Variants in PLIN5 observed in about 807,000 individuals in gnomAD.
PLIN5 encodes perilipin 5.
PLIN5 carries 34 observed loss-of-function variants against 32.8 expected under a neutral mutation model. The observed-to-expected ratio is 1.04, with a 90% CI of 0.79 to 1.38. The LOEUF (loss-of-function observed/expected upper bound fraction) is 1.38. Ranked by LOEUF, PLIN5 falls within the 40% of genes most tolerant of loss-of-function variation. The pLI is 0.00. For synonymous variants in PLIN5, 309 were observed against 292.9 expected (o/e 1.05, Z -0.56); for missense variants, 712 against 660.5 (o/e 1.08, Z -0.85).
rs753237147 is a variant in PLIN5, at chr19:4,529,150, C to T, written c.443G>A (p.Ser148Asn). ...RWSVELKRSV[S>N]HAVDVVLEKS... ...TTCCAGTACAACATCCACAGCATGG[C>T]TCACGGAGCGCTTCAGCTCCACGCT... The change falls in exon 5 of 8, where the codon AGC (serine) becomes AAC (asparagine). Residue 148 changes from serine (S) to asparagine (N), a missense_variant. Coordinates refer to ENST00000381848, the MANE Select transcript of PLIN5 (RefSeq NM_001013706.3). The T allele has an allele frequency of 6.8e-6, 11 of 1,613,420 alleles. No homozygotes were observed. The highest frequency in any genetic ancestry group is 1.1e-5 in the South Asian group (1 of 91,078).
At chr19:4,530,359 T>G (rs1341121922) in intron 3 of PLIN5, among the ~76,000 whole-genome samples, 1 of 152,116 alleles carries the variant, frequency 6.6e-6, no homozygotes, top group African/African-American at 2.4e-5. Flanking sequence ...AGAAGCTGGC[T>G]GAGAGGGAGG....
In PLIN5 at chr19:4,531,790, C is replaced by T; in HGVS notation, c.93G>A (p.Leu31=). ...NVVQRVVALP[L]VRATCTAVCD... ...AGACCGCGGTGCACGTGGCCCTGAC[C>T]AGGGGCAGAGCCACCACACGCTGCA... Residue 31 remains leucine, a synonymous_variant, in exon 3 of 8, where the codon CTG becomes CTA. Transcript: ENST00000381848. The T allele has an allele frequency of 6.3e-7, 1 of 1,581,614 alleles. No homozygotes were observed. The highest frequency in any genetic ancestry group is 8.6e-7 in the Non-Finnish European group (1 of 1,164,562).
intron 1 of PLIN5, among the ~76,000 whole-genome samples, chr19:4,534,795 G>A (rs1976927090): frequency 6.6e-6 from 1 of 152,174 alleles, no homozygotes; most frequent in South Asian, 2.1e-4. Context: ...CACCCTAGAC[G>A]GCTGGAGGTG....
In PLIN5 at chr19:4,523,583, G is replaced by A. The variant is rs376263782; in HGVS notation, c.1337C>T (p.Pro446Leu). The change falls in exon 8 of 8, where the codon CCC (proline) becomes CTC (leucine). Residue 446 changes from proline (P) to leucine (L), a missense_variant. Pro to Leu is a moderately conservative substitution (Grantham distance 98, BLOSUM62 -3). Transcript: ENST00000381848. The surrounding 1 kb of genome is among the most constrained non-coding windows in gnomAD (Gnocchi z 5.0). ...CTTGACCGGGCAGCTGGGGGTCTCG[G>A]GTTCCTGCTCGCAGATGTCCCCGGC... ...GVAGDICEQEPETPSCPVKHT... is the reference protein window; with the variant it reads ...GVAGDICEQELETPSCPVKHT... 2 of 1,603,046 alleles carry A rather than the reference G, an allele frequency of 1.2e-6. No individual in the cohort carries two copies. Among genetic ancestry groups the A allele is most frequent in the Non-Finnish European group, 1.7e-6 (2 of 1,174,796 alleles).
chr19:4,526,384 ATTAAG>A (rs1237107525), intron 5 of PLIN5, among the ~76,000 whole-genome samples: 2 of 151,866 alleles, frequency 1.3e-5, no homozygotes, highest in African/African-American at 4.8e-5. Flanking sequence ...ACCACACCCG[ATTAAG>A]TTTTGTATTT....
At chr19:4,533,619 G>A (rs1976912987) in intron 2 of PLIN5, 2 of 373,066 alleles carry the variant, frequency 5.4e-6, no homozygotes, top group Non-Finnish European at 9.6e-6. Flanking sequence ...CTAGGGTTGT[G>A]ATGGGTGTTC....
chr19:4,526,188 T>C lies in PLIN5; in HGVS notation c.521-356A>G, dbSNP rs116120970. ...GCAGGATCCAAGAAGCAGACCCAGA[T>C]TGGAACCCAGGCACGTTGGTCCCAA... On this transcript the variant is annotated intron_variant, in intron 5 of 7. Coordinates refer to ENST00000381848, the MANE Select transcript of PLIN5 (RefSeq NM_001013706.3). 5.2e-3 allele frequency among the ~76,000 whole-genome samples: 795 copies of C among 152,168 alleles called. 2 individuals are homozygous for C. Among genetic ancestry groups the C allele is most frequent in the African/African-American group, 0.018 (752 of 41,520 alleles).
intron 3 of PLIN5, 54 bp downstream of exon 3, chr19:4,531,573 G>A (rs541687911): frequency 1.9e-4 from 278 of 1,449,810 alleles, no homozygotes; most frequent in Non-Finnish European, 2.3e-4. Flanking sequence ...GGGACAGGGG[G>A]CGGTGGGGGG....
At chr19:4,527,203 G>C (rs1347100361) in intron 5 of PLIN5, among the ~76,000 whole-genome samples, 1 of 151,930 alleles carries the variant, frequency 6.6e-6, no homozygotes, top group Admixed American at 6.6e-5. Context: ...AGCCTCCTGA[G>C]TAGCTGGGAC....
chr19:4,533,994 C>T (rs200743454), intron 2 of PLIN5, 21 bp downstream of exon 2: 3 of 1,609,718 alleles, frequency 1.9e-6, no homozygotes, highest in Admixed American at 1.7e-5. Flanking sequence ...GTCCCTGCTC[C>T]ATGGGAGGGG....
rs377144538 is a variant in PLIN5 at position 4,534,005 on chromosome 19, C to G, written c.60+10G>C. 2.9e-5 allele frequency: 46 copies of G among 1,611,538 alleles called. No individual in the cohort carries two copies. In the East Asian group the frequency reaches 4.5e-4, roughly 16 times the overall value. ...TTCTGTCCCTGCTCCATGGGAGGGG[C>G]AGCCCTCACCTGCTGGTCCTGCTCC... On this transcript the variant is annotated intron_variant, in intron 2 of 7. Coordinates refer to ENST00000381848, the MANE Select transcript of PLIN5 (RefSeq NM_001013706.3).
At chr19:4,524,373 G>C (rs1463335570) in intron 7 of PLIN5, among the ~76,000 whole-genome samples, 1 of 152,160 alleles carries the variant, frequency 6.6e-6, no homozygotes, top group South Asian at 2.1e-4. Flanking sequence ...CCAACATGGC[G>C]AAACCCCGTA....
At chr19:4,527,538 C>CAAAAAAAA (rs1176219746) in intron 5 of PLIN5, among the ~76,000 whole-genome samples, 3 of 29,686 alleles carry the variant, frequency 1.0e-4, no homozygotes, top group Non-Finnish European at 1.9e-4. Flanking sequence ...GACTCCACTT[C>CAAAAAAAA]AAAAAAAAAA....
intron 4 of PLIN5, 93 bp from the exon 5 acceptor site, chr19:4,529,346 T>C (rs1976849092): frequency 7.2e-7 from 1 of 1,380,884 alleles, no homozygotes; most frequent in Non-Finnish European, 9.8e-7. Context: ...CAAAGATCCC[T>C]GGACTTCTAC....
Position 4,525,183 on chromosome 19 carries a change from C to T in PLIN5, c.721-107G>A, listed in dbSNP as rs891296735. 4.3e-6 allele frequency: 3 copies of T among 701,808 alleles called. No homozygotes were observed. Among genetic ancestry groups the T allele is most frequent in the Non-Finnish European group, 6.8e-6 (3 of 444,042 alleles). 43.5% of individuals were successfully genotyped at this position (701,808 alleles called of 1,614,324 possible). On this transcript the variant is annotated intron_variant, in intron 6 of 7. Transcript: ENST00000381848. The surrounding 1 kb of genome is among the most constrained non-coding windows in gnomAD (Gnocchi z 5.6). ...CTGGCCTCAGTAAGCATTTAGGAGA[C>T]CGAGGCAGGTTGTGCAGGGCCGTGG...
intron 3 of PLIN5, among the ~76,000 whole-genome samples, 197 bp from the exon 4 acceptor site, chr19:4,530,063 C>CCTTACACCAAGAAGCCG (rs1976865080): frequency 1.3e-5 from 2 of 152,152 alleles, no homozygotes; most frequent in African/African-American, 2.4e-5. Flanking sequence ...CTTTCTGAGA[C>CCTTACACCAAGAAGCCG]CTTACACCAA....
intron 4 of PLIN5, 112 bp from the exon 5 acceptor site, chr19:4,529,365 G>A (rs755873931): frequency 1.7e-5 from 21 of 1,219,604 alleles, no homozygotes; most frequent in East Asian, 1.7e-4. Flanking sequence ...ACCTGGCTCC[G>A]TGCCTCAGTT....
At chr19:4,534,251 G>A in intron 1 of PLIN5, 156 bp from the exon 2 acceptor site, 1 of 659,590 alleles carries the variant, frequency 1.5e-6, no homozygotes, top group Non-Finnish European at 2.7e-6. Flanking sequence ...TGCATGTCCA[G>A]AGCTCTGTAC....
chr19:4,530,515 CAGGCAG>C (rs1157271329), intron 3 of PLIN5, among the ~76,000 whole-genome samples: 2 of 151,942 alleles, frequency 1.3e-5, no homozygotes, highest in Non-Finnish European at 2.9e-5. Context: ...GGGCTTAGGA[CAGGCAG>C]AGGCAGGTGC....
Sources: allele counts gnomAD v4.1 joint callset (sites outside exome capture counted in the v4.1 genomes callset), GRCh38; gene constraint gnomAD v4.1.1; non-coding constraint Gnocchi (gnomAD v3.1); transcripts MANE v1.5; gene names NCBI Gene and HGNC (gene_info 2026-07-23, HGNC 2026-07-21).